The following PHACTR3 variants were observed in gnomAD, a reference collection of about 807,000 sequenced individuals.
PHACTR3 encodes the protein protein phosphatase 1, regulatory subunit 123.
A neutral mutation model predicts 66.8 loss-of-function variants in PHACTR3; 16 were observed. The ratio of observed to expected loss-of-function variants is 0.24; its 90% CI spans 0.16 to 0.36. PHACTR3 has a LOEUF of 0.36. Ranked by LOEUF, PHACTR3 falls within the 10% of genes least tolerant of loss-of-function variation. PHACTR3 has a pLI of 1.00. For synonymous variants in PHACTR3, 323 were observed against 292.1 expected (o/e 1.11, Z -1.08); for missense variants, 647 against 719.9 (o/e 0.90, Z 1.16).
chr20:59,756,755 G>A (rs997922114), intron 4 of PHACTR3, among the ~76,000 whole-genome samples: 3 of 151,926 alleles, frequency 2.0e-5, no homozygotes, highest in Non-Finnish European at 4.4e-5. Context: ...CATGTGCCAC[G>A]TTGGTGTGCT....
At chr20:59,675,058 C>G (rs2036405299) in intron 1 of PHACTR3, among the ~76,000 whole-genome samples, 1 of 121,084 alleles carries the variant, frequency 8.3e-6, no homozygotes, top group Non-Finnish European at 1.7e-5. Context: ...CCCTGTTCCT[C>G]CTTTTCCCCC....
At chr20:59,611,866 G>A (rs1244867439) in intron 1 of PHACTR3, among the ~76,000 whole-genome samples, 1 of 152,214 alleles carries the variant, frequency 6.6e-6, no homozygotes, top group African/African-American at 2.4e-5. Flanking sequence ...CTTGAAATGC[G>A]ATTTGAATGT....
At position 59,830,548 on chromosome 20, in the gene PHACTR3, G is replaced by A. The variant is rs956474468; in HGVS notation, c.1329-5957G>A. 2.7e-4 allele frequency among the ~76,000 whole-genome samples: 41 copies of A among 152,232 alleles called. No individual in the cohort carries two copies. Among genetic ancestry groups the A allele is most frequent in the African/African-American group, 9.6e-4 (40 of 41,456 alleles). Reference sequence around the variant, plus strand: ...GAGGCTGTGAGTGTCTGAAGGAGGAGTGATTCTTGGGGATCCAGGCCTGCA... The same window carrying A: ...GAGGCTGTGAGTGTCTGAAGGAGGAATGATTCTTGGGGATCCAGGCCTGCA... On this transcript the variant is annotated intron_variant, in intron 8 of 12. Transcript: ENST00000371015. This position sits in a 1 kb window ranked among gnomAD's most constrained non-coding sequence, Gnocchi z 5.8.
At chr20:59,651,695 G>T (rs996051927) in intron 1 of PHACTR3, among the ~76,000 whole-genome samples, 1 of 152,194 alleles carries the variant, frequency 6.6e-6, no homozygotes, top group Admixed American at 6.5e-5. Context: ...GGCATAGCCA[G>T]ACAAAGGGGT....
intron 1 of PHACTR3, among the ~76,000 whole-genome samples, chr20:59,667,931 C>T (rs2036049113): frequency 6.6e-6 from 1 of 152,228 alleles, no homozygotes; most frequent in Admixed American, 6.5e-5. Context: ...CAGGGCGAGC[C>T]ACAAGGGCAG....
intron 1 of PHACTR3, among the ~76,000 whole-genome samples, chr20:59,654,888 A>G (rs2035566440): frequency 6.6e-6 from 1 of 151,732 alleles, no homozygotes; most frequent in Admixed American, 6.6e-5. Context: ...AAATTCATTC[A>G]GTGTGTGTAT....
At chr20:59,588,079 C>A (rs1029603730) in intron 1 of PHACTR3, among the ~76,000 whole-genome samples, 1 of 152,092 alleles carries the variant, frequency 6.6e-6, no homozygotes, top group African/African-American at 2.4e-5. Flanking sequence ...GGTCGGGAGT[C>A]CTGAGGGAAT....
chr20:59,581,909 A>T lies in PHACTR3; in HGVS notation c.109+4292A>T, dbSNP rs147496588. On this transcript the variant is annotated intron_variant, in intron 1 of 12. Transcript: ENST00000359926. ...AAAAAAAAAAAAAGTCCTAGCCTGT[A>T]GTTGGGACTCCATAAATATTTTATG... is the stretch of plus-strand genomic sequence containing the variant. Among the ~76,000 whole-genome samples the T allele has an allele frequency of 6.1e-3, 924 of 151,630 alleles. 15 individuals are homozygous for T. Among genetic ancestry groups the T allele is most frequent in the African/African-American group, 0.021 (876 of 41,320 alleles).
intron 1 of PHACTR3, among the ~76,000 whole-genome samples, chr20:59,707,693 G>A (rs575720150): frequency 6.6e-6 from 1 of 152,012 alleles, no homozygotes; most frequent in Non-Finnish European, 1.5e-5. Context: ...TTGAACTCCT[G>A]AGCAAAAAAC....
chr20:59,762,678 C>A (rs1210327984), intron 4 of PHACTR3, among the ~76,000 whole-genome samples: 1 of 152,178 alleles, frequency 6.6e-6, no homozygotes, highest in African/African-American at 2.4e-5. Context: ...GGCCACATGG[C>A]CCAAGCTGGA....
chr20:59,711,266 G>C (rs140313193), intron 1 of PHACTR3, among the ~76,000 whole-genome samples: 2 of 152,150 alleles, frequency 1.3e-5, no homozygotes, highest in Non-Finnish European at 1.5e-5. Flanking sequence ...TGTGCGTAAG[G>C]CTTTGTCTCT....
chr20:59,652,564 T>TA (rs1264865588), intron 1 of PHACTR3, among the ~76,000 whole-genome samples: 1 of 152,146 alleles, frequency 6.6e-6, no homozygotes, highest in Admixed American at 6.5e-5. Flanking sequence ...TCTCTTAAAA[T>TA]AAAAAATGCT....
chr20:59,775,152 C>A (rs2148808), intron 7 of PHACTR3, among the ~76,000 whole-genome samples: 92,305 of 151,638 alleles, frequency 0.61, 29,948 homozygotes, highest in Non-Finnish European at 0.71. Context: ...GCCTGCAGAC[C>A]ACCCTGTGAT....
chr20:59,659,532 C>T (rs1051423142), intron 1 of PHACTR3, among the ~76,000 whole-genome samples: 5 of 151,996 alleles, frequency 3.3e-5, no homozygotes, highest in African/African-American at 1.2e-4. Flanking sequence ...ACCACCATGC[C>T]CAGCTACTTT....
At chr20:59,578,668 C>T (rs568767618) in intron 1 of PHACTR3, among the ~76,000 whole-genome samples, 76 of 152,314 alleles carry the variant, frequency 5.0e-4, no homozygotes, top group African/African-American at 1.8e-3. Flanking sequence ...CAGGAGCCCT[C>T]CTTCCCCACG....
At chr20:59,770,385 C>G (rs2146880889) in intron 5 of PHACTR3, among the ~76,000 whole-genome samples, 1 of 152,302 alleles carries the variant, frequency 6.6e-6, no homozygotes, top group East Asian at 1.9e-4. Context: ...GGTTCATGTG[C>G]TTCAGCATGT....
intron 1 of PHACTR3, among the ~76,000 whole-genome samples, chr20:59,591,095 A>G (rs2033169929): frequency 6.6e-6 from 1 of 152,226 alleles, no homozygotes; most frequent in East Asian, 1.9e-4. Flanking sequence ...GGGCAGTGCC[A>G]CGTACATCAT....
At chr20:59,731,448 C>T (rs1254009915) in intron 1 of PHACTR3, among the ~76,000 whole-genome samples, 2 of 152,140 alleles carry the variant, frequency 1.3e-5, no homozygotes, top group African/African-American at 4.8e-5. Context: ...TTCCAGATTC[C>T]ACCTTTCTCC....
At chr20:59,705,168 G>C (rs2146624894) in intron 1 of PHACTR3, among the ~76,000 whole-genome samples, 1 of 152,134 alleles carries the variant, frequency 6.6e-6, no homozygotes, top group Middle Eastern at 3.4e-3. Flanking sequence ...TGTTGCCCAG[G>C]CTGGTCTCCA....
Sources: gnomAD v4.1 joint callset for allele counts (sites outside exome capture counted in the v4.1 genomes callset) on GRCh38, gnomAD v4.1.1 for gene constraint, Gnocchi (gnomAD v3.1) non-coding constraint, MANE v1.5 for transcripts, NCBI Gene and HGNC (gene_info 2026-07-23, HGNC 2026-07-21) for gene names.